The following TCERG1L variants were observed in gnomAD, a reference collection of about 807,000 sequenced individuals.
TCERG1L encodes the protein transcription elongation regulator 1-like protein.
In TCERG1L, 37 loss-of-function variants were observed where a neutral mutation model predicts 56.3. The ratio of observed to expected loss-of-function variants is 0.66; its 90% CI spans 0.51 to 0.87. TCERG1L has a LOEUF of 0.87. Among genes scored for constraint, TCERG1L ranks in the 40% least tolerant of loss-of-function variants. TCERG1L has a pLI of 0.00. For synonymous variants in TCERG1L, 324 were observed against 326.3 expected (o/e 0.99, Z 0.08); for missense variants, 799 against 774.2 (o/e 1.03, Z -0.38).
chr10:131,264,563 C>T (rs1846266458), intron 3 of TCERG1L, among the ~76,000 whole-genome samples: 1 of 152,222 alleles, frequency 6.6e-6, no homozygotes, highest in African/African-American at 2.4e-5. Flanking sequence ...TGCGTCCCCA[C>T]ACCAGGCTCT....
chr10:131,140,825 G>A, intron 7 of TCERG1L, among the ~76,000 whole-genome samples: 1 of 152,180 alleles, frequency 6.6e-6, no homozygotes, highest in Admixed American at 6.5e-5. Flanking sequence ...GCAGGGTCCT[G>A]TGGGCTGAGC....
chr10:131,167,472 T>C (rs1286599382), intron 4 of TCERG1L, among the ~76,000 whole-genome samples: 1 of 152,234 alleles, frequency 6.6e-6, no homozygotes, highest in African/African-American at 2.4e-5. Context: ...ATGCCCAGGC[T>C]GGGTGCCATC....
intron 4 of TCERG1L, among the ~76,000 whole-genome samples, chr10:131,218,948 C>T (rs1845702381): frequency 6.6e-6 from 1 of 152,154 alleles, no homozygotes; most frequent in Non-Finnish European, 1.5e-5. Context: ...CTCCCTCCGG[C>T]CCCTCAGAAC....
At chr10:131,153,313 A>T (rs939690118) in intron 6 of TCERG1L, among the ~76,000 whole-genome samples, 1 of 152,078 alleles carries the variant, frequency 6.6e-6, no homozygotes, top group Non-Finnish European at 1.5e-5. Flanking sequence ...TTCCACAGAA[A>T]ACCAAAGCAC....
At chr10:131,140,614 TGGGCACGAAGAG>T (rs1036351496) in intron 7 of TCERG1L, among the ~76,000 whole-genome samples, 19 of 152,156 alleles carry the variant, frequency 1.2e-4, no homozygotes, top group South Asian at 4.1e-4. Flanking sequence ...GTGGCTTTCC[TGGGCACGAAGAG>T]GGGCACAGTG....
chr10:131,257,049 GAAAGAAAA>G (rs1846180537), intron 4 of TCERG1L, among the ~76,000 whole-genome samples: 3 of 140,288 alleles, frequency 2.1e-5, no homozygotes, highest in Non-Finnish European at 4.7e-5. Context: ...AAGAAAGAAA[GAAAGAAAA>G]GAAAGAAAGA....
intron 8 of TCERG1L, among the ~76,000 whole-genome samples, chr10:131,117,352 C>T (rs533520793): frequency 3.9e-5 from 6 of 152,218 alleles, no homozygotes; most frequent in East Asian, 1.9e-4. Flanking sequence ...GCTTTTCATC[C>T]GAACAATCAT....
chr10:131,235,527 T>C (rs561628190), intron 4 of TCERG1L, among the ~76,000 whole-genome samples: 10 of 152,306 alleles, frequency 6.6e-5, no homozygotes, highest in Admixed American at 2.0e-4. Flanking sequence ...CTAAAAACGA[T>C]ATTGATAGGC....
chr10:131,187,569 C>T (rs1845257755), intron 4 of TCERG1L, among the ~76,000 whole-genome samples: 2 of 152,152 alleles, frequency 1.3e-5, no homozygotes, highest in African/African-American at 4.8e-5. Flanking sequence ...AGATGGCCTC[C>T]CATCCTCTTG....
chr10:131,227,740 C>G (rs1040481225), intron 4 of TCERG1L, among the ~76,000 whole-genome samples: 1 of 120,062 alleles, frequency 8.3e-6, no homozygotes, highest in Non-Finnish European at 1.8e-5. Flanking sequence ...CCAAGATACA[C>G]GTCTTGATTA....
intron 5 of TCERG1L, among the ~76,000 whole-genome samples, chr10:131,164,804 G>T (rs1846014423): frequency 6.6e-6 from 1 of 152,200 alleles, no homozygotes; most frequent in South Asian, 2.1e-4. Context: ...GGCAGTGGAG[G>T]TGGGAAGATG....
intron 4 of TCERG1L, among the ~76,000 whole-genome samples, chr10:131,217,708 C>CTTTTTTT (rs534101797): frequency 2.5e-5 from 2 of 79,046 alleles, no homozygotes; most frequent in African/African-American, 5.3e-5. Context: ...AGTAGCTGCC[C>CTTTTTTT]TTTTTTTTTT....
chr10:131,299,624 G>A (rs1450633781), intron 3 of TCERG1L, among the ~76,000 whole-genome samples: 1 of 149,680 alleles, frequency 6.7e-6, no homozygotes, highest in African/African-American at 2.5e-5. Context: ...GTCAATTTGA[G>A]GAAGTCCCCT....
chr10:131,311,364 A>C lies in TCERG1L; in HGVS notation c.272T>G (p.Leu91Arg). ...PAPSEPVLPLLPLPSAPDSAA... is the reference protein window; with the variant it reads ...PAPSEPVLPLRPLPSAPDSAA... The stretch of plus-strand genomic sequence containing the variant: ...GGAGTCTGGCGCAGAGGGCAGCGGC[A>C]GCAGCGGGAGCACCGGCTCGCTCGG... The change falls in exon 1 of 12, where the codon CTG (leucine) becomes CGG (arginine). Residue 91 changes from leucine to arginine, a missense_variant. Transcript: ENST00000368642. This position sits in a 1 kb window ranked among gnomAD's most constrained non-coding sequence, Gnocchi z 4.0. 1 of 1,197,292 alleles carries C rather than the reference A, an allele frequency of 8.4e-7. No homozygotes were observed. The allele number at this position is 1,197,292 out of a possible 1,614,324, so 74.2% of individuals were successfully genotyped here. A position where few individuals can be genotyped will look rare whatever the true frequency, so the allele number is the denominator to read the frequency against.
chr10:131,287,647 T>C (rs966765604), intron 3 of TCERG1L, among the ~76,000 whole-genome samples: 1 of 152,176 alleles, frequency 6.6e-6, no homozygotes, highest in African/African-American at 2.4e-5. Context: ...TCCAAGCCAG[T>C]GTCCACCTCC....
In TCERG1L at chr10:131,178,052, C is replaced by T. The variant is rs2996074; in HGVS notation, c.857-11167G>A. On this transcript the variant is annotated intron_variant, in intron 4 of 11. Transcript: ENST00000368642. ...CACACAGGCTCTCCCTCCCTTTACT[C>T]CCGGGGCTTTCTCAGGAGTGGGGGG... Among the ~76,000 whole-genome samples, 1,123 of 152,242 alleles carry T rather than the reference C, an allele frequency of 7.4e-3. 3 individuals are homozygous for T. The highest frequency in any genetic ancestry group is 0.012 in the Non-Finnish European group (829 of 68,020).
intron 4 of TCERG1L, among the ~76,000 whole-genome samples, chr10:131,209,845 T>C (rs1315089556): frequency 2.0e-5 from 3 of 152,208 alleles, no homozygotes. Context: ...GTAATATTAA[T>C]TTACAAAGAT....
intron 3 of TCERG1L, among the ~76,000 whole-genome samples, chr10:131,305,908 T>C (rs562835578): frequency 6.6e-6 from 1 of 152,162 alleles, no homozygotes; most frequent in East Asian, 1.9e-4. Flanking sequence ...ATGCATACTT[T>C]TATAATATAT....
chr10:131,151,133 G>A (rs1468993576), intron 6 of TCERG1L, among the ~76,000 whole-genome samples: 1 of 152,116 alleles, frequency 6.6e-6, no homozygotes, highest in Non-Finnish European at 1.5e-5. Flanking sequence ...TCCACCACTG[G>A]TCTCTCCCAA....
Sources: gnomAD v4.1 joint callset for allele counts (sites outside exome capture counted in the v4.1 genomes callset) on GRCh38, gnomAD v4.1.1 for gene constraint, Gnocchi (gnomAD v3.1) non-coding constraint, MANE v1.5 for transcripts, NCBI Gene and HGNC (gene_info 2026-07-23, HGNC 2026-07-21) for gene names.